The following FLACC1 variants were observed in gnomAD, a reference collection of about 807,000 sequenced individuals.
FLACC1 encodes the protein flagellum associated containing coiled-coil domains 1, also known as flagellum-associated coiled-coil domain-containing protein 1.
A neutral mutation model predicts 62.8 loss-of-function variants in FLACC1; 66 were observed. The observed-to-expected ratio is 1.05, with a 90% confidence interval of 0.86 to 1.29. FLACC1 has a LOEUF of 1.29. FLACC1 is among the 50% of genes most tolerant of loss of function. FLACC1 has a pLI of 0.00. For synonymous variants in FLACC1, 156 were observed against 161.0 expected (o/e 0.97, Z 0.24); for missense variants, 452 against 489.1 (o/e 0.92, Z 0.71).
At chr2:201,350,878 A>C in intron 2 of FLACC1, 96 bp from the exon 3 acceptor site, 1 of 1,000,512 alleles carries the variant, frequency 1.0e-6, no homozygotes, top group Non-Finnish European at 1.5e-6. Context: ...TAGTGACCCA[A>C]AATTGGAATG....
chr2:201,353,934 G>A (rs1302520512), intron 1 of FLACC1, among the ~76,000 whole-genome samples: 1 of 152,172 alleles, frequency 6.6e-6, no homozygotes, highest in African/African-American at 2.4e-5. Context: ...AAAAACAAAT[G>A]CCAAAAATGT....
intron 12 of FLACC1, among the ~76,000 whole-genome samples, chr2:201,297,492 G>A (rs531358904): frequency 6.6e-6 from 1 of 152,258 alleles, no homozygotes; most frequent in East Asian, 1.9e-4. Flanking sequence ...GACCAATGAG[G>A]TGAAGGAAAC....
At chr2:201,295,680 G>C (rs959747586) in intron 12 of FLACC1, among the ~76,000 whole-genome samples, 8 of 152,122 alleles carry the variant, frequency 5.3e-5, no homozygotes, top group African/African-American at 1.7e-4. Context: ...TTAAACTAAA[G>C]AGCTTTTGCA....
intron 1 of FLACC1, among the ~76,000 whole-genome samples, 185 bp from the exon 2 acceptor site, chr2:201,351,636 A>G (rs997195516): frequency 1.3e-5 from 2 of 152,208 alleles, no homozygotes; most frequent in Non-Finnish European, 2.9e-5. Context: ...ACTTGACTTG[A>G]AAGCAATTTA....
At chr2:201,344,866 C>A (rs1461304891) in intron 5 of FLACC1, among the ~76,000 whole-genome samples, 3 of 152,180 alleles carry the variant, frequency 2.0e-5, no homozygotes, top group Admixed American at 1.3e-4. Context: ...GTCCTCAATG[C>A]AAGATGCTTT....
At chr2:201,313,298 G>A (rs1950250039) in intron 9 of FLACC1, among the ~76,000 whole-genome samples, 1 of 152,164 alleles carries the variant, frequency 6.6e-6, no homozygotes, top group South Asian at 2.1e-4. Context: ...GCAGCTGGGA[G>A]GCTGGTAGCC....
intron 1 of FLACC1, among the ~76,000 whole-genome samples, chr2:201,355,301 A>C (rs984271704): frequency 6.6e-6 from 1 of 152,182 alleles, no homozygotes; most frequent in Non-Finnish European, 1.5e-5. Flanking sequence ...TAAATGAATA[A>C]AACAAAAAAC....
intron 11 of FLACC1, 142 bp downstream of exon 11, chr2:201,307,377 G>A (rs1950126867): frequency 1.5e-6 from 1 of 680,196 alleles, no homozygotes; most frequent in Admixed American, 2.4e-5. Flanking sequence ...CAGTCTATTT[G>A]CATACATTTC....
chr2:201,327,858 C>A (rs1269516103), intron 9 of FLACC1, among the ~76,000 whole-genome samples: 1 of 152,132 alleles, frequency 6.6e-6, no homozygotes, highest in Non-Finnish European at 1.5e-5. Flanking sequence ...CACTTGTACA[C>A]GTATGTTTAT....
intron 9 of FLACC1, among the ~76,000 whole-genome samples, chr2:201,330,118 C>T (rs944079145): frequency 1.8e-4 from 28 of 152,138 alleles, no homozygotes; most frequent in African/African-American, 6.5e-4. Context: ...AGATGTTATA[C>T]AATATACAGT....
chr2:201,310,731 A>T (rs2125565685), intron 9 of FLACC1, among the ~76,000 whole-genome samples: 1 of 152,328 alleles, frequency 6.6e-6, no homozygotes, highest in South Asian at 2.1e-4. Flanking sequence ...GGCCTTAAAA[A>T]TGTTCATTCC....
intron 7 of FLACC1, among the ~76,000 whole-genome samples, chr2:201,338,048 A>G (rs998268475): frequency 6.6e-6 from 1 of 152,078 alleles, no homozygotes; most frequent in African/African-American, 2.4e-5. Context: ...ATGTCTTTCC[A>G]TTTGTTTGTG....
intron 11 of FLACC1, among the ~76,000 whole-genome samples, chr2:201,301,895 T>G (rs1949993055): frequency 6.6e-6 from 1 of 152,190 alleles, no homozygotes; most frequent in Non-Finnish European, 1.5e-5. Flanking sequence ...TGAGAGATTT[T>G]GTCACCACCA....
chr2:201,330,827 G>A lies in FLACC1; in HGVS notation c.531C>T (p.Leu177=). Residue 177 remains leucine (L), a synonymous_variant, in exon 8 of 15, where the codon CTC becomes CTT. Transcript: ENST00000392257. ...KQNFENKNRE[L]KEAHEAELSE... The stretch of plus-strand genomic sequence containing the variant: ...TGAGTTCTGCTTCATGGGCCTCTTT[G>A]AGCTCCCTGTGGGACCCCAGGAGAA... The A allele has an allele frequency of 1.9e-6, 3 of 1,612,758 alleles. No individual in the cohort carries two copies. Among genetic ancestry groups the A allele is most frequent in the Non-Finnish European group, 2.5e-6 (3 of 1,179,904 alleles).
intron 2 of FLACC1, 144 bp downstream of exon 2, chr2:201,351,148 G>T: frequency 1.4e-6 from 1 of 720,194 alleles, no homozygotes. Context: ...CAACCAGCTG[G>T]CAGGGAAGCT....
chr2:201,346,391 C>G lies in FLACC1; in HGVS notation c.368+151G>C. 1 of 1,042,110 alleles carries G rather than the reference C, an allele frequency of 9.6e-7. No individual in the cohort carries two copies. The highest frequency in any genetic ancestry group is 1.4e-6 in the Non-Finnish European group (1 of 723,158). The allele number at this position is 1,042,110 out of a possible 1,614,324, so 64.6% of individuals were successfully genotyped here. Reference sequence around the variant, plus strand: ...TGTGGAGAGATGCATCATCAGGAAGCAGGGGCGAGGAGGGAGGTGCCCTTG... The same window carrying G: ...TGTGGAGAGATGCATCATCAGGAAGGAGGGGCGAGGAGGGAGGTGCCCTTG... On this transcript the variant is annotated intron_variant, in intron 5 of 14. Coordinates refer to ENST00000392257, the MANE Select transcript of FLACC1 (RefSeq NM_001127391.3). The surrounding 1 kb of genome is among the most constrained non-coding windows in gnomAD (Gnocchi z 4.0).
Position 201,288,530 on chromosome 2 carries a change from G to T in FLACC1, c.*125C>A. On this transcript the variant is annotated 3_prime_UTR_variant, in exon 15 of 15. Transcript: ENST00000392257. Reference sequence around the variant, plus strand: ...ATTCAAACATTTTCAGACATTCAGAGAGTCAGAGCAACCCAAGAACTAAAC... The same window carrying T: ...ATTCAAACATTTTCAGACATTCAGATAGTCAGAGCAACCCAAGAACTAAAC... 1 of 1,193,258 alleles carries T rather than the reference G, an allele frequency of 8.4e-7. No homozygotes were observed. Among genetic ancestry groups the T allele is most frequent in the Non-Finnish European group, 1.2e-6 (1 of 864,028 alleles). The allele number at this position is 1,193,258 out of a possible 1,614,324, so 73.9% of individuals were successfully genotyped here.
At chr2:201,307,296 G>A (rs191498849) in intron 11 of FLACC1, among the ~76,000 whole-genome samples, 3 of 152,316 alleles carry the variant, frequency 2.0e-5, no homozygotes, top group African/African-American at 2.4e-5. Flanking sequence ...TAAAATTTTT[G>A]TTCTAAGAAC....
At chr2:201,319,147 T>C (rs1380861853) in intron 9 of FLACC1, among the ~76,000 whole-genome samples, 2 of 152,176 alleles carry the variant, frequency 1.3e-5, no homozygotes, top group Non-Finnish European at 2.9e-5. Flanking sequence ...AGCTTGGTAC[T>C]GATACAAAAA....
Sources: allele counts gnomAD v4.1 joint callset (sites outside exome capture counted in the v4.1 genomes callset), GRCh38; gene constraint gnomAD v4.1.1; non-coding constraint Gnocchi (gnomAD v3.1); transcripts MANE v1.5; gene names NCBI Gene and HGNC (gene_info 2026-07-23, HGNC 2026-07-21).